The following CPS1 variants were observed in gnomAD, a reference collection of about 807,000 sequenced individuals.
CPS1 encodes carbamoyl-phosphate synthase [ammonia], mitochondrial.
CPS1 carries 109 observed loss-of-function variants against 174.6 expected under a neutral mutation model. That is an observed-to-expected ratio of 0.62 (90% CI 0.53 to 0.73). The LOEUF (loss-of-function observed/expected upper bound fraction) is 0.73. Among genes scored for constraint, CPS1 ranks in the 30% least tolerant of loss-of-function variants. CPS1 has a pLI of 0.00. For missense variants in CPS1, 1,689 were observed against 1,821.9 expected (o/e 0.93, Z 1.33); for synonymous variants, 637 against 632.0 (o/e 1.01, Z -0.12).
At chr2:210,520,125 A>G (rs950151080) in intron 1 of CPS1, among the ~76,000 whole-genome samples, 11 of 152,060 alleles carry the variant, frequency 7.2e-5, no homozygotes, top group African/African-American at 1.4e-4. Flanking sequence ...TGCTAAATTT[A>G]TATAACTTTG....
chr2:210,626,131 T>G (rs1241776669), intron 21 of CPS1, among the ~76,000 whole-genome samples: 1 of 152,136 alleles, frequency 6.6e-6, no homozygotes, highest in Non-Finnish European at 1.5e-5. Flanking sequence ...TGTGTTAATT[T>G]GTATGAATGC....
chr2:210,535,360 G>A (rs911210437), intron 1 of CPS1, among the ~76,000 whole-genome samples: 19 of 151,986 alleles, frequency 1.3e-4, no homozygotes, highest in Non-Finnish European at 1.9e-4. Flanking sequence ...CTCTTACCCC[G>A]TTCCCCTCCC....
intron 1 of CPS1, among the ~76,000 whole-genome samples, chr2:210,504,071 C>G (rs1361058668): frequency 6.6e-6 from 1 of 152,056 alleles, no homozygotes; most frequent in African/African-American, 2.4e-5. Context: ...TTGTCCCAGC[C>G]CAGCTGCTTG....
chr2:210,573,517 T>C (rs150664168), intron 2 of CPS1, 110 bp downstream of exon 2: 43 of 864,100 alleles, frequency 5.0e-5, no homozygotes, highest in Non-Finnish European at 8.1e-5. Context: ...GACTACGTAT[T>C]GTCCTGAAGT....
At chr2:210,499,667 C>T (rs1695092773) in intron 1 of CPS1, among the ~76,000 whole-genome samples, 1 of 152,148 alleles carries the variant, frequency 6.6e-6, no homozygotes, top group African/African-American at 2.4e-5. Flanking sequence ...CTCAGCACTT[C>T]CAAGCCTCTC....
intron 1 of CPS1, among the ~76,000 whole-genome samples, chr2:210,500,515 C>T (rs559199809): frequency 1.3e-5 from 2 of 152,230 alleles, no homozygotes; most frequent in East Asian, 3.9e-4. Context: ...GAGAAATTGG[C>T]CAAAACAAAG....
At chr2:210,516,601 G>A (rs1284242405) in intron 1 of CPS1, among the ~76,000 whole-genome samples, 1 of 151,882 alleles carries the variant, frequency 6.6e-6, no homozygotes, top group African/African-American at 2.4e-5. Context: ...GTTCTGTAGA[G>A]CCTTTAGGAC....
At chr2:210,638,370 ATTCATAGGTG>A (rs1700102072) in intron 22 of CPS1, among the ~76,000 whole-genome samples, 1 of 152,062 alleles carries the variant, frequency 6.6e-6, no homozygotes, top group Admixed American at 6.5e-5. Flanking sequence ...ACGCATGAAC[ATTCATAGGTG>A]TGCTGTTGTG....
intron 1 of CPS1, among the ~76,000 whole-genome samples, chr2:210,520,618 C>G (rs2105987334): frequency 6.6e-6 from 1 of 152,094 alleles, no homozygotes; most frequent in Non-Finnish European, 1.5e-5. Context: ...CTCTGTCTGT[C>G]TCTAGTTGAC....
chr2:210,558,290 A>T (rs1696984293), intron 1 of CPS1, among the ~76,000 whole-genome samples: 1 of 152,022 alleles, frequency 6.6e-6, no homozygotes, highest in Non-Finnish European at 1.5e-5. Context: ...AATCATTAGG[A>T]TGTAGTTACA....
At chr2:210,673,262 G>A (rs1559139823) in intron 34 of CPS1, 1 of 152,222 alleles carries the variant, frequency 6.6e-6, no homozygotes, top group East Asian at 1.9e-4. Flanking sequence ...CAGTTACTCA[G>A]ACACTCATGT....
At chr2:210,659,540 A>T (rs939157492) in intron 31 of CPS1, among the ~76,000 whole-genome samples, 1 of 152,174 alleles carries the variant, frequency 6.6e-6, no homozygotes, top group Non-Finnish European at 1.5e-5. Context: ...AGCTTCCATC[A>T]TGGCCACACT....
At chr2:210,546,271 CTCTT>C (rs775250807) in intron 1 of CPS1, among the ~76,000 whole-genome samples, 3 of 151,996 alleles carry the variant, frequency 2.0e-5, no homozygotes, top group Non-Finnish European at 4.4e-5. Flanking sequence ...ATGGTTGTTA[CTCTT>C]TCTAATTTGT....
chr2:210,553,512 T>C (rs1696783245), upstream of CPS1, among the ~76,000 whole-genome samples: 1 of 150,518 alleles, frequency 6.6e-6, no homozygotes, highest in African/African-American at 2.4e-5. Flanking sequence ...TATCAGAGAG[T>C]GACTCATAAG....
At position 210,480,959 on chromosome 2, in the gene CPS1, T is replaced by C. The variant is rs998278518; in HGVS notation, c.3+3193T>C. 8.5e-5 allele frequency among the ~76,000 whole-genome samples: 13 copies of C among 152,316 alleles called. No homozygotes were observed. The East Asian group carries it at 2.1e-3, about 25-fold the overall frequency. ...GAGGAAACAAGAACATAAACAGATG[T>C]ACACCAAGCGCACTATGGAACACTT... On this transcript the variant is annotated intron_variant, in intron 1 of 38. Transcript: ENST00000430249.
chr2:210,501,276 GT>G (rs1695132673), intron 1 of CPS1, among the ~76,000 whole-genome samples: 1 of 152,142 alleles, frequency 6.6e-6, no homozygotes, highest in South Asian at 2.1e-4. Context: ...CATTGTCTTG[GT>G]GATTAACATT....
At chr2:210,542,072 G>T (rs965215118) in intron 1 of CPS1, among the ~76,000 whole-genome samples, 2 of 151,990 alleles carry the variant, frequency 1.3e-5, no homozygotes, top group Non-Finnish European at 2.9e-5. Flanking sequence ...AATTCTTTGA[G>T]CATTCTTTCT....
At chr2:210,559,549 C>G (rs1697030666) in intron 1 of CPS1, among the ~76,000 whole-genome samples, 1 of 152,038 alleles carries the variant, frequency 6.6e-6, no homozygotes, top group African/African-American at 2.4e-5. Flanking sequence ...AAGTTGATAT[C>G]AAGGGTATAA....
upstream of CPS1, among the ~76,000 whole-genome samples, chr2:210,554,741 A>G (rs909111533): frequency 1.3e-4 from 20 of 151,810 alleles, no homozygotes; most frequent in African/African-American, 4.4e-4. Flanking sequence ...AACTTAAAGT[A>G]TAATAATAAA....
Sources: gnomAD v4.1 joint callset for allele counts (sites outside exome capture counted in the v4.1 genomes callset) on GRCh38, gnomAD v4.1.1 for gene constraint, MANE v1.5 for transcripts, NCBI Gene and HGNC (gene_info 2026-07-23, HGNC 2026-07-21) for gene names.